Variants in LMBRD1 observed in about 807,000 individuals in gnomAD.
The protein encoded by LMBRD1 is LMBR1 domain containing 1, also known as lysosomal cobalamin transport escort protein LMBD1.
In LMBRD1, 64 loss-of-function variants were observed where a neutral mutation model predicts 74.8. The ratio of observed to expected loss-of-function variants is 0.86; its 90% confidence interval spans 0.70 to 1.05. The LOEUF (loss-of-function observed/expected upper bound fraction) is 1.05. Ranked by LOEUF, LMBRD1 falls within the 50% of genes least tolerant of loss-of-function variation. The pLI is 0.00. For missense variants in LMBRD1, 652 were observed against 645.9 expected (o/e 1.01, Z -0.10); for synonymous variants, 204 against 216.3 (o/e 0.94, Z 0.50).
At chr6:69,749,670 A>T (rs1017039178) in intron 4 of LMBRD1, among the ~76,000 whole-genome samples, 1 of 151,770 alleles carries the variant, frequency 6.6e-6, no homozygotes, top group Non-Finnish European at 1.5e-5. Context: ...TTAATTCTCC[A>T]GTAGGCATCT....
chr6:69,729,852 T>C (rs1766817693), intron 7 of LMBRD1, among the ~76,000 whole-genome samples: 1 of 152,042 alleles, frequency 6.6e-6, no homozygotes, highest in Non-Finnish European at 1.5e-5. Context: ...GAAATTTAAC[T>C]ACAATATTTA....
At chr6:69,751,588 A>G (rs1316848734) in intron 4 of LMBRD1, among the ~76,000 whole-genome samples, 3 of 152,206 alleles carry the variant, frequency 2.0e-5, no homozygotes, top group African/African-American at 7.2e-5. Flanking sequence ...TCGGCCTCCC[A>G]AAGTGCTGGG....
At chr6:69,778,609 ACACTT>A (rs1765755164) in intron 3 of LMBRD1, among the ~76,000 whole-genome samples, 1 of 152,156 alleles carries the variant, frequency 6.6e-6, no homozygotes, top group African/African-American at 2.4e-5. Context: ...CAGAATCACT[ACACTT>A]TAGTGTCATA....
Position 69,713,812 on chromosome 6 carries a change from A to G in LMBRD1, c.763-15T>C. On this transcript the variant is annotated splice_polypyrimidine_tract_variant and intron_variant, in intron 8 of 15. Transcript: ENST00000649934. ...CCATCTTTGCTCTGCAAATAACAGA[A>G]CAAAATAAAAGTTTTACCATTAACA... The G allele has an allele frequency of 6.2e-7, 1 of 1,613,060 alleles. No homozygotes were observed. The highest frequency in any genetic ancestry group is 8.5e-7 in the Non-Finnish European group (1 of 1,179,314).
chr6:69,686,296 T>C (rs1765762351), intron 14 of LMBRD1, among the ~76,000 whole-genome samples: 1 of 152,062 alleles, frequency 6.6e-6, no homozygotes, highest in Non-Finnish European at 1.5e-5. Context: ...TCTTTATTTT[T>C]TCTTCCTTGA....
At chr6:69,692,131 CATTT>C (rs1232551720) in intron 14 of LMBRD1, among the ~76,000 whole-genome samples, 1 of 151,914 alleles carries the variant, frequency 6.6e-6, no homozygotes, top group African/African-American at 2.4e-5. Context: ...TTTGTCTGCT[CATTT>C]GTTTATAATT....
At chr6:69,723,293 C>T (rs970429366) in intron 7 of LMBRD1, among the ~76,000 whole-genome samples, 9 of 152,268 alleles carry the variant, frequency 5.9e-5, no homozygotes, top group Admixed American at 5.9e-4. Flanking sequence ...AAACATCAGA[C>T]TTAACCTGCA....
At chr6:69,724,367 A>AG (rs1160885923) in intron 7 of LMBRD1, among the ~76,000 whole-genome samples, 4 of 136,070 alleles carry the variant, frequency 2.9e-5, no homozygotes, top group Non-Finnish European at 4.8e-5. Context: ...AAAAAAAAAC[A>AG]CTACAGGCCA....
At chr6:69,697,497 AC>A in intron 14 of LMBRD1, 65 bp downstream of exon 14, 1 of 1,111,512 alleles carries the variant, frequency 9.0e-7, no homozygotes, top group Non-Finnish European at 1.4e-6. Context: ...CAAATGATTA[AC>A]ACAGCAAAAT....
intron 2 of LMBRD1, among the ~76,000 whole-genome samples, chr6:69,787,223 T>C (rs1765971017): frequency 6.6e-6 from 1 of 152,182 alleles, no homozygotes. Flanking sequence ...CTAGAGTTTA[T>C]CAGGAAAATG....
At chr6:69,789,528 A>T (rs932676183) in intron 2 of LMBRD1, among the ~76,000 whole-genome samples, 3 of 151,854 alleles carry the variant, frequency 2.0e-5, no homozygotes, top group Non-Finnish European at 2.9e-5. Context: ...CTCTATCTCA[A>T]CAAAATAAAA....
chr6:69,711,274 A>C (rs1305141181), intron 9 of LMBRD1, among the ~76,000 whole-genome samples: 3 of 152,148 alleles, frequency 2.0e-5, no homozygotes, highest in African/African-American at 7.2e-5. Context: ...CATAAAACTG[A>C]CCTCTAATGA....
chr6:69,679,918 C>A (rs9454868), intron 14 of LMBRD1, among the ~76,000 whole-genome samples: 12,741 of 152,146 alleles, frequency 0.084, 679 homozygotes, highest in Admixed American at 0.15. Context: ...GTATAGAGAA[C>A]AATTGTGAAG....
At chr6:69,715,902 A>G (rs1766478635) in intron 8 of LMBRD1, among the ~76,000 whole-genome samples, 1 of 152,126 alleles carries the variant, frequency 6.6e-6, no homozygotes, top group Admixed American at 6.6e-5. Context: ...TAGTTTGCTA[A>G]GGATAATGGC....
chr6:69,726,698 C>A (rs956704048), intron 7 of LMBRD1, among the ~76,000 whole-genome samples: 2 of 146,520 alleles, frequency 1.4e-5, no homozygotes, highest in South Asian at 2.1e-4. Context: ...CTCGTGGAAA[C>A]AGAGAATTGA....
intron 13 of LMBRD1, among the ~76,000 whole-genome samples, chr6:69,698,589 A>G (rs1207627550): frequency 6.6e-6 from 1 of 152,014 alleles, no homozygotes; most frequent in Non-Finnish European, 1.5e-5. Context: ...ATAAATCAGC[A>G]TATGAGGATA....
intron 9 of LMBRD1, among the ~76,000 whole-genome samples, chr6:69,708,419 C>T (rs372986800): frequency 2.0e-5 from 3 of 152,112 alleles, no homozygotes; most frequent in Non-Finnish European, 4.4e-5. Flanking sequence ...GCACTGCATA[C>T]ATTATTTCAT....
rs58701619 is a variant in LMBRD1, at chr6:69,675,435, ATT to A, written c.*721_*722del. ...ATATCTTAAATTAATCCATAAACTG[ATT>A]TTTTTTTCCAGGATTAATTATTCTT... On this transcript the variant is annotated 3_prime_UTR_variant, in exon 16 of 16. Transcript: ENST00000649934. 1.3e-5 allele frequency among the ~76,000 whole-genome samples: 2 copies of A among 151,492 alleles called. No individual in the cohort carries two copies. Among genetic ancestry groups the A allele is most frequent in the African/African-American group, 4.9e-5 (2 of 41,226 alleles).
intron 1 of LMBRD1, among the ~76,000 whole-genome samples, chr6:69,792,530 A>G (rs531663953): frequency 5.4e-4 from 83 of 152,360 alleles, no homozygotes; most frequent in Non-Finnish European, 7.1e-4. Context: ...GAATAGCAGG[A>G]AAGAATTGAC....
Sources: allele counts gnomAD v4.1 joint callset (sites outside exome capture counted in the v4.1 genomes callset), GRCh38; gene constraint gnomAD v4.1.1; transcripts MANE v1.5; gene names NCBI Gene and HGNC (gene_info 2026-07-23, HGNC 2026-07-21).